Variants in OAS2 observed in about 807,000 individuals in gnomAD.
OAS2 encodes 2'-5'-oligoadenylate synthetase 2, also known as 2'-5'-oligoadenylate synthase 2.
Under a neutral mutation model 71.3 loss-of-function variants are expected in OAS2, and 67 were observed. The observed-to-expected ratio is 0.94, with a 90% CI of 0.77 to 1.15. OAS2 has a LOEUF of 1.15. Ranked by LOEUF, OAS2 falls within the 50% of genes most tolerant of loss-of-function variation. The pLI is 0.00. For missense variants in OAS2, 789 were observed against 822.5 expected, an observed-to-expected ratio of 0.96 and a Z score of 0.50; for synonymous variants, 327 against 321.8, an observed-to-expected ratio of 1.02 and a Z score of -0.17.
In OAS2 at chr12:113,010,301, TC is replaced by T; in HGVS notation, c.*1050del. The T allele has an allele frequency of 6.6e-7, 1 of 1,516,052 alleles. No individual in the cohort carries two copies. 93.9% of individuals were successfully genotyped at this position (1,516,052 alleles called of 1,614,324 possible). On this transcript the variant is annotated 3_prime_UTR_variant, in exon 10 of 10. Transcript: ENST00000392583. ...TCCCAGATACAGGTCCCCCCTTTTT[TC>T]CCCTAACTCTTTTAAGCAATGATTG...
rs755316801 is a variant in OAS2, at chr12:112,987,214, C to G, written c.354C>G (p.Phe118Leu). The change falls in exon 2 of 10, where the codon TTC becomes TTG. Residue 118 changes from phenylalanine (F) to leucine (L), a missense_variant. Physicochemically the swap from Phe to Leu is conservative, Grantham distance 22. Coordinates refer to ENST00000392583, the MANE Select transcript of OAS2 (RefSeq NM_002535.3). ...CLFTKWLKNN[F>L]EIQKSLDGFT... ...TCACGAAGTGGTTGAAAAACAATTT[C>G]GAGATCCAGAAGTCCCTTGATGGGT... is the stretch of plus-strand genomic sequence containing the variant. 10 of 1,614,162 alleles carry G rather than the reference C, an allele frequency of 6.2e-6. No individual in the cohort carries two copies. The highest frequency in any genetic ancestry group is 1.7e-5 in the Admixed American group (1 of 60,022).
chr12:112,986,451 G>A (rs918377087), intron 1 of OAS2, among the ~76,000 whole-genome samples: 9 of 152,176 alleles, frequency 5.9e-5, no homozygotes, highest in African/African-American at 1.9e-4. Context: ...ACAGGCATCA[G>A]TGATGGCAAG....
chr12:113,007,780 G>T lies in OAS2; in HGVS notation c.1732G>T (p.Glu578Ter). The T allele has an allele frequency of 1.2e-6, 2 of 1,614,174 alleles. No individual in the cohort carries two copies. Among genetic ancestry groups the T allele is most frequent in the South Asian group, 2.2e-5 (2 of 91,070 alleles). The change falls in exon 9 of 10, where the codon GAG becomes TAG. Residue 578 changes from glutamate to a stop codon, truncating the protein, a stop_gained. Transcript: ENST00000392583. LOFTEE classifies it high-confidence loss of function. ...GGAGCTGCTCACCATCTATGCCTGGGAGCAGGGGAGTGGAGTGCCGGATTT... is the reference window on the plus strand; with the variant it reads ...GGAGCTGCTCACCATCTATGCCTGGTAGCAGGGGAGTGGAGTGCCGGATTT... ...ALELLTIYAWEQGSGVPDFDT... is the reference protein window; with the variant it reads ...ALELLTIYAW
In OAS2 at chr12:112,995,298, T is replaced by C; in HGVS notation, c.451T>C (p.Leu151=). The C allele has an allele frequency of 6.2e-7, 1 of 1,605,196 alleles. No individual in the cohort carries two copies. The highest frequency in any genetic ancestry group is 2.2e-5 in the East Asian group (1 of 44,816). The change falls in exon 3 of 10, where the codon TTA becomes CTA. Residue 151 remains leucine, a splice_region_variant and synonymous_variant. Transcript: ENST00000392583. ...TTCCAATTTCTGTTTCACATCAGGC[T>C]TAAATGATAATCCCAGCCCCTGGAT... The part of the protein sequence containing the change: ...EVLAAFNALS[L]NDNPSPWIYR...
intron 3 of OAS2, among the ~76,000 whole-genome samples, chr12:112,996,516 C>T (rs955133176): frequency 6.6e-5 from 10 of 152,036 alleles, no homozygotes; most frequent in African/African-American, 2.4e-4. Context: ...TCAAACCCAA[C>T]TGGGGATCTG....
intron 1 of OAS2, among the ~76,000 whole-genome samples, chr12:112,985,005 T>A (rs1021912366): frequency 2.6e-5 from 4 of 152,200 alleles, no homozygotes; most frequent in African/African-American, 9.6e-5. Flanking sequence ...AGTTTTCTGC[T>A]CAGAAATCTG....
In OAS2 at chr12:113,009,263, G is replaced by A. The variant is rs181757104; in HGVS notation, c.*8G>A. On this transcript the variant is annotated 3_prime_UTR_variant, in exon 10 of 10. Transcript: ENST00000392583. ...CCGGTAAAAGTCATCTAAAGGAGGC[G>A]TTGTCTGGAAATAGCCCTGTAACAG... 12 of 1,612,922 alleles carry A rather than the reference G, an allele frequency of 7.4e-6. No individual in the cohort carries two copies. The highest frequency in any genetic ancestry group is 2.7e-5 in the African/African-American group (2 of 74,862).
chr12:112,996,793 C>G (rs2044236695), intron 3 of OAS2, among the ~76,000 whole-genome samples: 1 of 152,064 alleles, frequency 6.6e-6, no homozygotes, highest in Non-Finnish European at 1.5e-5. Context: ...TGGCGCTGGT[C>G]ACAGGATTCA....
At position 113,006,456 on chromosome 12, in the gene OAS2, A is replaced by G. The variant is rs749571680; in HGVS notation, c.1512A>G (p.Ala504=). The change falls in exon 8 of 10, where the codon GCA becomes GCG. Residue 504 remains alanine (A), a synonymous_variant. Transcript: ENST00000392583. ...CCACACCCAGCCCCGAGGTTTATGC[A>G]GGGCTCATTGATCTGTATAAATCCT... ...SGSTPSPEVY[A]GLIDLYKSSD... is the part of the protein sequence containing the mutation. 1.3e-6 allele frequency: 2 copies of G among 1,598,558 alleles called. No individual in the cohort carries two copies. Among genetic ancestry groups the G allele is most frequent in the Non-Finnish European group, 8.6e-7 (1 of 1,168,204 alleles).
At chr12:112,992,064 A>T (rs1297974716) in intron 2 of OAS2, among the ~76,000 whole-genome samples, 4 of 151,740 alleles carry the variant, frequency 2.6e-5, no homozygotes, top group African/African-American at 9.7e-5. Flanking sequence ...TCTCAAGCAC[A>T]AAGTCTCAAG....
chr12:113,008,255 G>A (rs1300844994), intron 9 of OAS2, among the ~76,000 whole-genome samples: 4 of 152,140 alleles, frequency 2.6e-5, no homozygotes, highest in Admixed American at 6.6e-5. Flanking sequence ...ATCCTGCAGG[G>A]TTTTTATTGG....
rs767250727 is a variant in OAS2, at chr12:112,978,718, T to C, written c.110T>C (p.Met37Thr). The change falls in exon 1 of 10, where the codon ATG (methionine) becomes ACG (threonine). Residue 37 changes from methionine to threonine, a missense_variant. Met to Thr is a moderately conservative substitution (Grantham distance 81). Coordinates refer to ENST00000392583, the MANE Select transcript of OAS2 (RefSeq NM_002535.3). This position sits in a 1 kb window ranked among gnomAD's most constrained non-coding sequence, Gnocchi z 4.2. ...YEECQTLIDE[M>T]VNTICDVLQE... ...GAATGTCAGACACTGATCGACGAGA[T>C]GGTGAACACCATCTGTGACGTCCTG... The C allele has an allele frequency of 1.4e-5, 23 of 1,614,086 alleles. No homozygotes were observed. The highest frequency in any genetic ancestry group is 2.2e-5 in the South Asian group (2 of 91,066).
chr12:112,986,203 T>C (rs185574185), intron 1 of OAS2, among the ~76,000 whole-genome samples: 1 of 152,252 alleles, frequency 6.6e-6, no homozygotes, highest in African/African-American at 2.4e-5. Flanking sequence ...GGCAGGTTGG[T>C]CTTCAAGCAC....
At position 113,003,096 on chromosome 12, in the gene OAS2, T is replaced by C; in HGVS notation, c.1173T>C (p.Ile391=). The C allele has an allele frequency of 6.2e-7, 1 of 1,614,118 alleles. No individual in the cohort carries two copies. Among genetic ancestry groups the C allele is most frequent in the Non-Finnish European group, 8.5e-7 (1 of 1,179,964 alleles). Residue 391 remains isoleucine (I), a synonymous_variant, in exon 6 of 10, where the codon ATT becomes ATC. Coordinates refer to ENST00000392583, the MANE Select transcript of OAS2 (RefSeq NM_002535.3). ...CFRQSTAKIQ[I]VRGGSTAKGT... ...GACAATCAACAGCCAAGATCCAGAT[T>C]GTCCGGGTGAGCACTGGCCTTTCTC...
rs117747988 is a variant in OAS2 at position 113,000,570 on chromosome 12, C to T, written c.1008+2160C>T. On this transcript the variant is annotated intron_variant, in intron 5 of 9. Transcript: ENST00000392583. Reference sequence around the variant, plus strand: ...CACATGTACTCACACCATGCACACACGCACACACGCACACACATACATGCA... The same window carrying T: ...CACATGTACTCACACCATGCACACATGCACACACGCACACACATACATGCA... Among the ~76,000 whole-genome samples the T allele has an allele frequency of 1.4e-3, 211 of 149,864 alleles. No individual in the cohort carries two copies. The East Asian group carries it at 0.029, about 20-fold the overall frequency.
At chr12:112,985,449 G>A (rs2044126029) in intron 1 of OAS2, among the ~76,000 whole-genome samples, 1 of 152,126 alleles carries the variant, frequency 6.6e-6, no homozygotes, top group African/African-American at 2.4e-5. Context: ...AAAGCAGTGA[G>A]TTGTATTTTT....
Position 113,009,080 on chromosome 12 carries a change from C to A in OAS2, c.1896-7C>A. ...AATCTCCTAATGCCTTCTAACCTCT[C>A]ATTCAGGCCTGTGATCTTGGACCCA... On this transcript the variant is annotated splice_region_variant and splice_polypyrimidine_tract_variant and intron_variant, in intron 9 of 9. Transcript: ENST00000392583. The A allele has an allele frequency of 6.2e-7, 1 of 1,612,070 alleles. No homozygotes were observed. Among genetic ancestry groups the A allele is most frequent in the South Asian group, 1.1e-5 (1 of 90,816 alleles).
Position 112,997,501 on chromosome 12 carries a change from C to A in OAS2, c.628-19C>A. 1 of 1,604,378 alleles carries A rather than the reference C, an allele frequency of 6.2e-7. No individual in the cohort carries two copies. Among genetic ancestry groups the A allele is most frequent in the Non-Finnish European group, 8.5e-7 (1 of 1,172,150 alleles). On this transcript the variant is annotated intron_variant, in intron 3 of 9. Transcript: ENST00000392583. ...AACTAGATCCCCCAATGAGCTGCTACCCTTTCCTTATCCCACAGTGCCAGA... is the reference window on the plus strand; with the variant it reads ...AACTAGATCCCCCAATGAGCTGCTAACCTTTCCTTATCCCACAGTGCCAGA...
chr12:113,005,949 A>AAAAAAAAAAAAAAAAAAAAG (rs2044331193), intron 7 of OAS2, among the ~76,000 whole-genome samples: 1 of 144,462 alleles, frequency 6.9e-6, no homozygotes, highest in African/African-American at 2.6e-5. Context: ...AAAAAAAAAA[A>AAAAAAAAAAAAAAAAAAAAG]AACAAGAAGC....
Sources: gnomAD v4.1 joint callset for allele counts (sites outside exome capture counted in the v4.1 genomes callset) on GRCh38, gnomAD v4.1.1 for gene constraint, Gnocchi (gnomAD v3.1) non-coding constraint, MANE v1.5 for transcripts, NCBI Gene and HGNC (gene_info 2026-07-23, HGNC 2026-07-21) for gene names.